Variants in BEND7 observed in about 807,000 individuals in gnomAD.
The protein encoded by BEND7 is BEN domain containing 7, also known as BEN domain-containing protein 7.
BEND7 carries 28 observed loss-of-function variants against 50.9 expected under a neutral mutation model. The ratio of observed to expected loss-of-function variants is 0.55; its 90% CI spans 0.41 to 0.75. The LOEUF is 0.75. Among genes scored for constraint, BEND7 ranks in the 30% least tolerant of loss-of-function variants. The pLI is 0.00. For synonymous variants in BEND7, 170 were observed against 183.9 expected (o/e 0.92, Z 0.61); for missense variants, 477 against 491.3 (o/e 0.97, Z 0.28).
At chr10:13,472,330 AGACT>A (rs1422719052) in intron 6 of BEND7, among the ~76,000 whole-genome samples, 1 of 151,744 alleles carries the variant, frequency 6.6e-6, no homozygotes, top group African/African-American at 2.4e-5. Flanking sequence ...CATCTCTCTT[AGACT>A]CAGGGCCAAC....
intron 6 of BEND7, among the ~76,000 whole-genome samples, chr10:13,468,122 C>T (rs118178178): frequency 0.023 from 3,541 of 152,212 alleles, 72 homozygotes; most frequent in Middle Eastern, 0.054. Flanking sequence ...TCCCAGTGTG[C>T]GCAGTAAATG....
At chr10:13,500,690 G>A (rs1482358036) in intron 2 of BEND7, 2 of 985,522 alleles carry the variant, frequency 2.0e-6, no homozygotes, top group Non-Finnish European at 2.4e-6. Flanking sequence ...CTTCAGAGAG[G>A]ACGGCCGAGG....
At chr10:13,528,101 A>T (rs1204890406) in intron 1 of BEND7, among the ~76,000 whole-genome samples, 2 of 152,114 alleles carry the variant, frequency 1.3e-5, no homozygotes, top group Non-Finnish European at 2.9e-5. Context: ...GGAAGACCCC[A>T]GAAAACAAAA....
At chr10:13,444,452 C>A (rs982264307) in intron 8 of BEND7, 1 of 152,156 alleles carries the variant, frequency 6.6e-6, no homozygotes, top group African/African-American at 2.4e-5. Context: ...CCCCCAAATA[C>A]ACAACTTTGG....
intron 5 of BEND7, among the ~76,000 whole-genome samples, chr10:13,485,411 T>G (rs1218737447): frequency 6.6e-6 from 1 of 152,204 alleles, no homozygotes; most frequent in East Asian, 1.9e-4. Flanking sequence ...GGGTCACCTT[T>G]GCAGGCACGT....
intron 1 of BEND7, 41 bp downstream of exon 1, chr10:13,528,432 G>A (rs903850410): frequency 3.1e-5 from 30 of 976,568 alleles, no homozygotes; most frequent in Non-Finnish European, 3.5e-5. Flanking sequence ...CCGAGGGCGC[G>A]GCGCCCGCTG....
chr10:13,521,033 G>A lies in BEND7; in HGVS notation c.145+5105C>T, dbSNP rs1001219097. ...TAATCGGACAAATCAGGTGCTGTAT[G>A]AAGCCTTGGGAACTGTCTAGACCAG... On this transcript the variant is annotated intron_variant, in intron 2 of 8. Transcript: ENST00000466271. 2.0e-5 allele frequency among the ~76,000 whole-genome samples: 3 copies of A among 152,190 alleles called. No individual in the cohort carries two copies. In the East Asian group the frequency reaches 5.8e-4, roughly 29 times the overall value.
intron 7 of BEND7, among the ~76,000 whole-genome samples, chr10:13,448,462 A>G (rs922953235): frequency 1.3e-5 from 2 of 152,230 alleles, no homozygotes; most frequent in African/African-American, 4.8e-5. Context: ...CTGAGTCAGA[A>G]GCAGCCTAAA....
chr10:13,447,887 G>A (rs1836766028), intron 7 of BEND7, among the ~76,000 whole-genome samples: 1 of 152,124 alleles, frequency 6.6e-6, no homozygotes, highest in Non-Finnish European at 1.5e-5. Flanking sequence ...CCAGCATGTG[G>A]GGTGAATTGT....
At chr10:13,502,601 T>G (rs1029121315) in intron 2 of BEND7, among the ~76,000 whole-genome samples, 1 of 152,164 alleles carries the variant, frequency 6.6e-6, no homozygotes, top group African/African-American at 2.4e-5. Flanking sequence ...TCCTGAAAGA[T>G]AAGCCCACAG....
intron 6 of BEND7, among the ~76,000 whole-genome samples, chr10:13,453,103 C>T (rs1440165301): frequency 6.6e-6 from 1 of 152,204 alleles, no homozygotes; most frequent in Non-Finnish European, 1.5e-5. Context: ...CTAACTCAAT[C>T]ACTACTCAAA....
intron 5 of BEND7, among the ~76,000 whole-genome samples, chr10:13,484,462 C>G (rs2076082902): frequency 6.7e-6 from 1 of 149,412 alleles, no homozygotes; most frequent in African/African-American, 2.4e-5. Flanking sequence ...CAGGATAAAG[C>G]TCTTTCTTTA....
intron 6 of BEND7, among the ~76,000 whole-genome samples, chr10:13,475,061 A>T (rs2075326989): frequency 6.6e-6 from 1 of 152,232 alleles, no homozygotes; most frequent in Non-Finnish European, 1.5e-5. Flanking sequence ...AAATATGAGA[A>T]CCATCGTGGA....
intron 6 of BEND7, among the ~76,000 whole-genome samples, chr10:13,477,057 C>T (rs974862689): frequency 3.3e-5 from 5 of 152,128 alleles, no homozygotes; most frequent in African/African-American, 7.2e-5. Context: ...ATTACCACTA[C>T]AAAAAGCTTT....
intron 2 of BEND7, among the ~76,000 whole-genome samples, chr10:13,513,717 C>G (rs2132509669): frequency 6.6e-6 from 1 of 152,312 alleles, no homozygotes; most frequent in Middle Eastern, 3.4e-3. Context: ...CTAGAGTGAT[C>G]TTTCAAAAAT....
At chr10:13,487,581 T>A (rs1289913023) in intron 5 of BEND7, among the ~76,000 whole-genome samples, 1 of 151,954 alleles carries the variant, frequency 6.6e-6, no homozygotes, top group Non-Finnish European at 1.5e-5. Context: ...AGATGGAGTT[T>A]CTCCATGTTG....
downstream of BEND7, among the ~76,000 whole-genome samples, chr10:13,440,107 G>A (rs974116485): frequency 5.9e-5 from 9 of 152,214 alleles, no homozygotes; most frequent in African/African-American, 2.2e-4. Flanking sequence ...GACTGAGGCA[G>A]GTGTGCAAGC....
intron 2 of BEND7, among the ~76,000 whole-genome samples, chr10:13,510,130 A>G (rs1280099974): frequency 1.3e-5 from 2 of 152,236 alleles, no homozygotes; most frequent in Non-Finnish European, 2.9e-5. Context: ...TTATAAATCA[A>G]TAAAGAAGAT....
chr10:13,482,046 G>T (rs1405360313), intron 5 of BEND7, among the ~76,000 whole-genome samples: 1 of 152,206 alleles, frequency 6.6e-6, no homozygotes, highest in Non-Finnish European at 1.5e-5. Context: ...GCCCATGGAG[G>T]TGGCTACAAC....
Sources: gnomAD v4.1 joint callset for allele counts (sites outside exome capture counted in the v4.1 genomes callset) on GRCh38, gnomAD v4.1.1 for gene constraint, MANE v1.5 for transcripts, NCBI Gene and HGNC (gene_info 2026-07-23, HGNC 2026-07-21) for gene names.